HHAT: variants seen among roughly 807,000 people sequenced by gnomAD.
HHAT encodes protein-cysteine N-palmitoyltransferase HHAT.
A neutral mutation model predicts 70.8 loss-of-function variants in HHAT; 47 were observed. The observed-to-expected ratio is 0.66, with a 90% CI of 0.53 to 0.85. The LOEUF is 0.85. HHAT is among the 40% of genes least tolerant of loss of function. The pLI is 0.00. For synonymous variants in HHAT, 228 were observed against 247.6 expected (o/e 0.92, Z 0.74); for missense variants, 609 against 604.8 (o/e 1.01, Z -0.07).
chr1:210,389,889 A>C lies in HHAT; in HGVS notation c.273+2308A>C, dbSNP rs539038287. 4.6e-5 allele frequency among the ~76,000 whole-genome samples: 7 copies of C among 152,314 alleles called. No individual in the cohort carries two copies. The East Asian group carries it at 1.3e-3, about 29-fold the overall frequency. On this transcript the variant is annotated intron_variant, in intron 4 of 11. Coordinates refer to ENST00000261458, the MANE Select transcript of HHAT (RefSeq NM_018194.6). ...ACAATATTGCCACATTGGGGATTAA[A>C]TTTCAGCACCAGTTGTGGAGGGGAC...
At chr1:210,328,810 C>T (rs1402695094), upstream of HHAT, 2 of 378,922 alleles carry the variant, frequency 5.3e-6, no homozygotes, top group Non-Finnish European at 9.2e-6. Context: ...AAACGCAGGC[C>T]GCGCTCTGGC....
At chr1:210,541,868 T>C (rs1381863980) in intron 9 of HHAT, among the ~76,000 whole-genome samples, 1 of 152,234 alleles carries the variant, frequency 6.6e-6, no homozygotes, top group East Asian at 1.9e-4. Flanking sequence ...AACGATTTGC[T>C]GTCTGCCCAG....
intron 10 of HHAT, among the ~76,000 whole-genome samples, chr1:210,603,954 T>C (rs1265321930): frequency 6.6e-6 from 1 of 152,224 alleles, no homozygotes; most frequent in Non-Finnish European, 1.5e-5. Flanking sequence ...GTTTACCTAA[T>C]AGGCTGGAGT....
chr1:210,391,824 TA>T (rs1171336015), intron 4 of HHAT, among the ~76,000 whole-genome samples: 1 of 152,136 alleles, frequency 6.6e-6, no homozygotes, highest in Non-Finnish European at 1.5e-5. Flanking sequence ...CATTATATAG[TA>T]AAGCCAAAGA....
At chr1:210,461,978 A>G (rs553451352) in intron 7 of HHAT, among the ~76,000 whole-genome samples, 5 of 152,356 alleles carry the variant, frequency 3.3e-5, no homozygotes, top group African/African-American at 1.2e-4. Flanking sequence ...TTAATCGTCT[A>G]TGCAAAATCA....
intron 1 of HHAT, among the ~76,000 whole-genome samples, chr1:210,332,382 A>T (rs589027): frequency 2.6e-5 from 4 of 152,142 alleles, no homozygotes; most frequent in Non-Finnish European, 5.9e-5. Context: ...CTGTATCACA[A>T]AAAAACAAGC....
intron 5 of HHAT, among the ~76,000 whole-genome samples, chr1:210,401,009 C>T (rs1306421708): frequency 6.6e-6 from 1 of 152,208 alleles, no homozygotes; most frequent in Non-Finnish European, 1.5e-5. Flanking sequence ...GGAGAGTGCC[C>T]TACAATTTAT....
intron 2 of HHAT, 112 bp downstream of exon 2, chr1:210,349,178 G>T: frequency 9.1e-7 from 1 of 1,103,196 alleles, no homozygotes. Flanking sequence ...GATGATGTGG[G>T]CCTTGATTTG....
At chr1:210,502,180 A>G (rs187867244) in intron 8 of HHAT, among the ~76,000 whole-genome samples, 242 of 151,974 alleles carry the variant, frequency 1.6e-3, no homozygotes, top group African/African-American at 5.6e-3. Context: ...GTCAGGAGAT[A>G]GAGACCATCC....
intron 4 of HHAT, among the ~76,000 whole-genome samples, chr1:210,393,819 G>T (rs1022440609): frequency 6.6e-6 from 1 of 152,154 alleles, no homozygotes; most frequent in African/African-American, 2.4e-5. Flanking sequence ...GAGACAGCTG[G>T]TGGGCCGGGT....
intron 11 of HHAT, among the ~76,000 whole-genome samples, chr1:210,631,793 C>A (rs538492659): frequency 6.6e-6 from 1 of 152,226 alleles, no homozygotes; most frequent in African/African-American, 2.4e-5. Context: ...GGGACCTTTT[C>A]CTTGCCTCAG....
intron 6 of HHAT, among the ~76,000 whole-genome samples, chr1:210,412,652 A>G (rs2092597806): frequency 6.6e-6 from 1 of 152,218 alleles, no homozygotes; most frequent in Non-Finnish European, 1.5e-5. Flanking sequence ...ACTAGGGTGG[A>G]GGTTTCACCT....
At chr1:210,487,066 A>C (rs1175331723) in intron 8 of HHAT, among the ~76,000 whole-genome samples, 1 of 152,200 alleles carries the variant, frequency 6.6e-6, no homozygotes, top group East Asian at 1.9e-4. Flanking sequence ...TTCACTCCTA[A>C]GATGTCCAGA....
intron 10 of HHAT, among the ~76,000 whole-genome samples, chr1:210,614,440 C>G (rs914144017): frequency 1.3e-5 from 2 of 151,956 alleles, no homozygotes; most frequent in East Asian, 3.9e-4. Flanking sequence ...ACTTTACATT[C>G]TAGGATACAT....
intron 4 of HHAT, among the ~76,000 whole-genome samples, chr1:210,394,896 C>T (rs899678546): frequency 1.3e-5 from 2 of 152,134 alleles, no homozygotes; most frequent in South Asian, 2.1e-4. Flanking sequence ...ATTCCTTTTA[C>T]GTGGGCCTGC....
chr1:210,636,320 G>A (rs753011293), intron 11 of HHAT, among the ~76,000 whole-genome samples: 2 of 152,190 alleles, frequency 1.3e-5, no homozygotes, highest in African/African-American at 2.4e-5. Context: ...TCCTTTGGAG[G>A]TGGGAACTAG....
intron 7 of HHAT, among the ~76,000 whole-genome samples, chr1:210,427,820 A>G (rs1476139210): frequency 6.6e-6 from 1 of 151,800 alleles, no homozygotes; most frequent in Non-Finnish European, 1.5e-5. Context: ...GGTCCATTTG[A>G]TGTAGTGCTG....
intron 9 of HHAT, among the ~76,000 whole-genome samples, chr1:210,544,264 A>C (rs2148666793): frequency 6.6e-6 from 1 of 151,492 alleles, no homozygotes; most frequent in East Asian, 2.0e-4. Context: ...GACTATATGG[A>C]TTCCTGTCAA....
chr1:210,512,185 C>T (rs1243094215), intron 8 of HHAT, among the ~76,000 whole-genome samples: 1 of 152,166 alleles, frequency 6.6e-6, no homozygotes, highest in Non-Finnish European at 1.5e-5. Context: ...CATGGAGTTG[C>T]AGCTCTTCAA....
Sources: gnomAD v4.1 joint callset for allele counts (sites outside exome capture counted in the v4.1 genomes callset) on GRCh38, gnomAD v4.1.1 for gene constraint, MANE v1.5 for transcripts, NCBI Gene and HGNC (gene_info 2026-07-23, HGNC 2026-07-21) for gene names.